CSMD1: variants seen among roughly 807,000 people sequenced by gnomAD.
CSMD1 encodes the protein CUB and Sushi multiple domains 1, also known as CUB and sushi domain-containing protein 1.
A neutral mutation model predicts 417.5 loss-of-function variants in CSMD1; 213 were observed. The observed-to-expected ratio is 0.51, with a 90% CI of 0.46 to 0.57. CSMD1 has a LOEUF of 0.57. Among genes scored for constraint, CSMD1 ranks in the 20% least tolerant of loss-of-function variants. The pLI, the probability that CSMD1 is intolerant of heterozygous loss-of-function variation, is 0.00. For synonymous variants in CSMD1, 2,862 were observed against 1,736.8 expected (o/e 1.65, Z -16.11); for missense variants, 6,923 against 4,529.7 (o/e 1.53, Z -15.17).
chr8:3,526,802 C>T (rs138309867), intron 10 of CSMD1, among the ~76,000 whole-genome samples: 2 of 152,210 alleles, frequency 1.3e-5, no homozygotes, highest in Non-Finnish European at 2.9e-5. Flanking sequence ...GCAGACGACG[C>T]TGGTTATGTA....
intron 37 of CSMD1, among the ~76,000 whole-genome samples, chr8:3,174,744 G>C (rs887516281): frequency 6.6e-6 from 1 of 151,902 alleles, no homozygotes; most frequent in African/African-American, 2.4e-5. Flanking sequence ...TAAAAATCTA[G>C]GTGGCTGATA....
At chr8:3,290,142 T>G (rs576055342) in intron 25 of CSMD1, among the ~76,000 whole-genome samples, 3 of 146,040 alleles carry the variant, frequency 2.1e-5, no homozygotes, top group Non-Finnish European at 4.4e-5. Context: ...GTTGTAGATA[T>G]GCAGCATTAT....
intron 1 of CSMD1, among the ~76,000 whole-genome samples, chr8:4,909,823 G>C (rs1279408866): frequency 6.6e-6 from 1 of 152,150 alleles, no homozygotes; most frequent in Non-Finnish European, 1.5e-5. Context: ...TTCATTTCCA[G>C]GTGGCAATTT....
intron 62 of CSMD1, among the ~76,000 whole-genome samples, chr8:2,958,779 T>G (rs1020585926): frequency 2.0e-5 from 3 of 152,248 alleles, no homozygotes; most frequent in African/African-American, 7.2e-5. Context: ...AAGATTTGAA[T>G]TCCCCTCTTG....
chr8:4,253,842 G>A (rs771135373), intron 3 of CSMD1, among the ~76,000 whole-genome samples: 2 of 149,776 alleles, frequency 1.3e-5, no homozygotes, highest in Non-Finnish European at 1.5e-5. Context: ...TTGCTAAGGA[G>A]GTAACAATAC....
intron 59 of CSMD1, among the ~76,000 whole-genome samples, chr8:2,964,179 G>A (rs1003827343): frequency 3.9e-5 from 6 of 152,204 alleles, no homozygotes; most frequent in African/African-American, 1.4e-4. Flanking sequence ...GTAGCAGAAG[G>A]CACTACAAAA....
chr8:3,702,198 GC>G (rs1800909825), intron 7 of CSMD1: 1 of 152,106 alleles, frequency 6.6e-6, no homozygotes, highest in Non-Finnish European at 1.5e-5. Context: ...TGGATTAATT[GC>G]CCCATCCTGC....
chr8:3,177,883 GA>G (rs1369251417), intron 37 of CSMD1, among the ~76,000 whole-genome samples: 3 of 75,540 alleles, frequency 4.0e-5, no homozygotes, highest in South Asian at 6.2e-4. Context: ...AAGATATCTG[GA>G]TATGTATTTT....
At chr8:3,317,238 T>C (rs995351607) in intron 23 of CSMD1, among the ~76,000 whole-genome samples, 2 of 152,226 alleles carry the variant, frequency 1.3e-5, no homozygotes, top group Non-Finnish European at 2.9e-5. Context: ...ACATCTTTCA[T>C]TGATAACACC....
At chr8:4,063,222 CAT>C (rs1279956709) in intron 3 of CSMD1, among the ~76,000 whole-genome samples, 1 of 151,906 alleles carries the variant, frequency 6.6e-6, no homozygotes, top group African/African-American at 2.4e-5. Flanking sequence ...ACTTTGTGTG[CAT>C]ATTTCAAAAT....
intron 1 of CSMD1, among the ~76,000 whole-genome samples, chr8:4,756,116 A>C (rs1034114766): frequency 2.0e-5 from 3 of 152,190 alleles, no homozygotes; most frequent in African/African-American, 7.2e-5. Flanking sequence ...TTTTCACAGG[A>C]GTATATAGTA....
intron 27 of CSMD1, among the ~76,000 whole-genome samples, chr8:3,229,426 T>C (rs1419104899): frequency 6.6e-6 from 1 of 152,216 alleles, no homozygotes; most frequent in Non-Finnish European, 1.5e-5. Context: ...AAAATATATA[T>C]TAGCCTACAA....
At chr8:4,144,963 G>A (rs1004237622) in intron 3 of CSMD1, among the ~76,000 whole-genome samples, 4 of 150,996 alleles carry the variant, frequency 2.6e-5, no homozygotes, top group African/African-American at 9.9e-5. Context: ...CTTGAAAACA[G>A]AAGGGAGGAT....
chr8:4,530,778 C>T (rs1333299970), intron 2 of CSMD1, among the ~76,000 whole-genome samples: 1 of 151,386 alleles, frequency 6.6e-6, no homozygotes, highest in Non-Finnish European at 1.5e-5. Context: ...CAAGTCTTTG[C>T]TATTGACCCA....
At chr8:4,427,424 G>A (rs1797626162) in intron 2 of CSMD1, among the ~76,000 whole-genome samples, 1 of 151,864 alleles carries the variant, frequency 6.6e-6, no homozygotes, top group Non-Finnish European at 1.5e-5. Context: ...AACTCTCTTG[G>A]ACTTAGATAC....
At chr8:3,985,607 G>A (rs966235918) in intron 5 of CSMD1, among the ~76,000 whole-genome samples, 1 of 152,120 alleles carries the variant, frequency 6.6e-6, no homozygotes, top group Admixed American at 6.5e-5. Context: ...CCACCTTCTA[G>A]TACAGGAAGA....
rs189439367 is a variant in CSMD1, at chr8:4,595,610, T to A, written c.302+41732A>T. Among the ~76,000 whole-genome samples, 541 of 152,150 alleles carry A rather than the reference T, an allele frequency of 3.6e-3. 2 individuals are homozygous for A. The highest frequency in any genetic ancestry group is 6.8e-3 in the Middle Eastern group (2 of 292). ...CAATGTCCCTTTCCTTACTTAAGTA[T>A]AACCAGTGAAGCTGGGTACTGCGAT... On this transcript the variant is annotated intron_variant, in intron 2 of 69. Coordinates refer to ENST00000635120, the MANE Select transcript of CSMD1 (RefSeq NM_033225.6).
chr8:3,983,248 A>C (rs561863547), intron 5 of CSMD1, among the ~76,000 whole-genome samples: 1 of 150,766 alleles, frequency 6.6e-6, no homozygotes, highest in Non-Finnish European at 1.5e-5. Context: ...CTCCTGCCTC[A>C]GCCTCCCGAG....
At chr8:4,669,951 T>C (rs926696677) in intron 1 of CSMD1, among the ~76,000 whole-genome samples, 1 of 152,104 alleles carries the variant, frequency 6.6e-6, no homozygotes, top group Non-Finnish European at 1.5e-5. Flanking sequence ...GAGTTTCATG[T>C]TTTATGAGGA....
Sources: gnomAD v4.1 joint callset for allele counts (sites outside exome capture counted in the v4.1 genomes callset) on GRCh38, gnomAD v4.1.1 for gene constraint, MANE v1.5 for transcripts, NCBI Gene and HGNC (gene_info 2026-07-23, HGNC 2026-07-21) for gene names.